Variants in FAM107B observed in about 807,000 individuals in gnomAD.
FAM107B encodes family with sequence similarity 107 member B.
A neutral mutation model predicts 31.5 loss-of-function variants in FAM107B; 21 were observed. The ratio of observed to expected loss-of-function variants is 0.67; its 90% CI spans 0.47 to 0.96. The LOEUF is 0.96. Ranked by LOEUF, FAM107B falls within the 40% of genes least tolerant of loss-of-function variation. The probability of loss-of-function intolerance (pLI) is 0.00; values close to 1 mark genes in which losing one functional copy is unlikely to be tolerated. For synonymous variants in FAM107B, 157 were observed against 141.5 expected (o/e 1.11, Z -0.78); for missense variants, 452 against 377.1 (o/e 1.20, Z -1.64).
intron 1 of FAM107B, among the ~76,000 whole-genome samples, chr10:14,731,056 A>T (rs1324981471): frequency 6.6e-6 from 1 of 152,180 alleles, no homozygotes; most frequent in African/African-American, 2.4e-5. Context: ...ACAGGCGGAT[A>T]TTACAGACTT....
At chr10:14,689,115 T>C (rs566515982) in intron 1 of FAM107B, among the ~76,000 whole-genome samples, 9 of 152,250 alleles carry the variant, frequency 5.9e-5, no homozygotes, top group African/African-American at 1.9e-4. Flanking sequence ...AAGAAGCTCC[T>C]GGTGGCCAGG....
Position 14,533,931 on chromosome 10 carries a change from G to C in FAM107B, c.470-3416C>G, listed in dbSNP as rs182997801. 5.6e-3 allele frequency among the ~76,000 whole-genome samples: 857 copies of C among 152,260 alleles called. 10 individuals carry two copies. Among genetic ancestry groups the C allele is most frequent in the African/African-American group, 0.02 (813 of 41,562 alleles). On this transcript the variant is annotated intron_variant, in intron 2 of 4. Transcript: ENST00000181796. ...CGGGCACTGCGAGCCGGTGCAGGAGGGGGGGGCTGCGGTTGACTTTTCAGA... is the reference window on the plus strand; with the variant it reads ...CGGGCACTGCGAGCCGGTGCAGGAGCGGGGGGCTGCGGTTGACTTTTCAGA...
intron 2 of FAM107B, among the ~76,000 whole-genome samples, chr10:14,626,714 A>G (rs1002129298): frequency 2.0e-5 from 3 of 152,098 alleles, no homozygotes; most frequent in African/African-American, 2.4e-5. Flanking sequence ...CGTGTTAGCC[A>G]GGATGGTCTC....
chr10:14,523,433 C>G (rs747347409), intron 3 of FAM107B, among the ~76,000 whole-genome samples: 2 of 152,254 alleles, frequency 1.3e-5, no homozygotes, highest in Non-Finnish European at 2.9e-5. Context: ...TGTGGTGGAA[C>G]AGTAATTCAG....
chr10:14,767,415 T>A (rs1356773536), intron 1 of FAM107B, among the ~76,000 whole-genome samples: 1 of 151,500 alleles, frequency 6.6e-6, no homozygotes, highest in Non-Finnish European at 1.5e-5. Context: ...AATAGAAAGA[T>A]CCTCAACAAA....
chr10:14,527,462 C>A (rs1386554299), intron 3 of FAM107B, among the ~76,000 whole-genome samples: 3 of 152,260 alleles, frequency 2.0e-5, no homozygotes, highest in Admixed American at 6.5e-5. Flanking sequence ...ACTGGAAAAA[C>A]TGAACTGCCA....
intron 1 of FAM107B, among the ~76,000 whole-genome samples, chr10:14,750,040 C>T (rs1316407150): frequency 1.3e-5 from 2 of 152,156 alleles, no homozygotes; most frequent in Non-Finnish European, 2.9e-5. Flanking sequence ...AAGTTGGAAG[C>T]GAACAGCTCC....
rs558655386 is a variant in FAM107B, at chr10:14,581,078, C to T, written c.470-50563G>A. Among the ~76,000 whole-genome samples the T allele has an allele frequency of 2.0e-5, 3 of 152,334 alleles. No homozygotes were observed. The South Asian group carries it at 6.2e-4, about 32-fold the overall frequency. On this transcript the variant is annotated intron_variant, in intron 2 of 4. Coordinates refer to ENST00000181796, the MANE Select transcript of FAM107B (RefSeq NM_031453.4). ...ACCCAAAGTCTATGAAATGTAGGTTCTAGCGGCCGGGCCAGGGGAGGAGGA... is the reference window on the plus strand; with the variant it reads ...ACCCAAAGTCTATGAAATGTAGGTTTTAGCGGCCGGGCCAGGGGAGGAGGA...
intron 2 of FAM107B, among the ~76,000 whole-genome samples, chr10:14,596,743 T>C (rs1852200862): frequency 6.6e-6 from 1 of 152,140 alleles, no homozygotes; most frequent in Admixed American, 6.5e-5. Flanking sequence ...ATGTAGCTGA[T>C]TCTCTTGCAC....
chr10:14,576,065 C>A (rs1389466379), intron 2 of FAM107B, among the ~76,000 whole-genome samples: 1 of 152,180 alleles, frequency 6.6e-6, no homozygotes, highest in African/African-American at 2.4e-5. Context: ...AAGTAGAATG[C>A]TGCTTCCCAG....
chr10:14,528,718 C>G (rs779536478), intron 3 of FAM107B, among the ~76,000 whole-genome samples: 3 of 152,116 alleles, frequency 2.0e-5, no homozygotes, highest in Non-Finnish European at 2.9e-5. Flanking sequence ...AGGAGAAGAA[C>G]AGGCCAGACA....
chr10:14,631,283 C>T (rs1339817820), intron 2 of FAM107B, among the ~76,000 whole-genome samples: 3 of 152,196 alleles, frequency 2.0e-5, no homozygotes, highest in Non-Finnish European at 4.4e-5. Context: ...GGATTTCTTT[C>T]ATGAGCTGCC....
At chr10:14,550,827 G>A (rs918837459) in intron 2 of FAM107B, among the ~76,000 whole-genome samples, 1 of 152,114 alleles carries the variant, frequency 6.6e-6, no homozygotes, top group African/African-American at 2.4e-5. Flanking sequence ...TTAACTAAAT[G>A]AAAAGGACAA....
chr10:14,769,181 T>C (rs1019495411), intron 1 of FAM107B, among the ~76,000 whole-genome samples: 3 of 152,114 alleles, frequency 2.0e-5, no homozygotes, highest in African/African-American at 4.8e-5. Context: ...CTGACAAAAC[T>C]GTGTTTGGAG....
At chr10:14,603,601 G>C (rs778043161) in intron 2 of FAM107B, among the ~76,000 whole-genome samples, 1 of 152,188 alleles carries the variant, frequency 6.6e-6, no homozygotes, top group Non-Finnish European at 1.5e-5. Context: ...ACCTCCAAGG[G>C]ACCTAAAGAT....
intron 1 of FAM107B, among the ~76,000 whole-genome samples, chr10:14,711,693 G>C (rs555950292): frequency 7.2e-5 from 11 of 152,232 alleles, no homozygotes; most frequent in Admixed American, 2.0e-4. Flanking sequence ...GCGCAGGCTG[G>C]GGTGCAGTGG....
intron 1 of FAM107B, among the ~76,000 whole-genome samples, chr10:14,703,074 A>C (rs1257388803): frequency 1.3e-5 from 2 of 152,084 alleles, no homozygotes; most frequent in African/African-American, 4.8e-5. Flanking sequence ...TTGCCCCTCA[A>C]CCAAAGTACC....
intron 1 of FAM107B, among the ~76,000 whole-genome samples, chr10:14,686,850 C>T (rs1025246768): frequency 3.3e-5 from 5 of 152,226 alleles, no homozygotes; most frequent in Admixed American, 2.6e-4. Flanking sequence ...AGCCAATGGC[C>T]TGTTCTCCAG....
chr10:14,729,466 T>C (rs530281826), intron 1 of FAM107B, among the ~76,000 whole-genome samples: 6 of 149,540 alleles, frequency 4.0e-5, no homozygotes, highest in East Asian at 4.0e-4. Context: ...TAGCCAGAGT[T>C]CATGCCCTCA....
Sources: gnomAD v4.1 joint callset for allele counts (sites outside exome capture counted in the v4.1 genomes callset) on GRCh38, gnomAD v4.1.1 for gene constraint, MANE v1.5 for transcripts, NCBI Gene and HGNC (gene_info 2026-07-23, HGNC 2026-07-21) for gene names.